Variants in DPYSL2 observed in about 807,000 individuals in gnomAD.
DPYSL2 encodes the protein dihydropyrimidinase like 2.
A neutral mutation model predicts 69.9 loss-of-function variants in DPYSL2; 13 were observed. The observed-to-expected ratio is 0.19, with a 90% CI of 0.12 to 0.30. The LOEUF is 0.30. Ranked by LOEUF, DPYSL2 falls within the 10% of genes least tolerant of loss-of-function variation. The pLI is 1.00. For synonymous variants in DPYSL2, 326 were observed against 359.1 expected, an observed-to-expected ratio of 0.91 and a Z score of 1.04; for missense variants, 587 against 918.9, an observed-to-expected ratio of 0.64 and a Z score of 4.67.
intron 8 of DPYSL2, among the ~76,000 whole-genome samples, chr8:26,638,909 A>T (rs532603184): frequency 6.6e-6 from 1 of 152,188 alleles, no homozygotes; most frequent in Non-Finnish European, 1.5e-5. Flanking sequence ...CATTTTGTCC[A>T]TGTGTGAAAT....
In DPYSL2 at chr8:26,655,664, G is replaced by A. The variant is rs1264150490; in HGVS notation, c.1992G>A (p.Val664=). The A allele has an allele frequency of 7.5e-6, 12 of 1,609,530 alleles. No homozygotes were observed. In the African/African-American group the frequency reaches 8.0e-5, roughly 11 times the overall value. ...NIPRRTTQRI[V]APPGGRANIT... is the part of the protein sequence containing the mutation. ...CCCGCCGCACCACCCAGCGTATCGT[G>A]GCGCCCCCCGGTGGCCGTGCCAACA... The change falls in exon 14 of 14, where the codon GTG becomes GTA. Residue 664 remains valine (V), a synonymous_variant. Coordinates refer to ENST00000521913, the MANE Select transcript of DPYSL2 (RefSeq NM_001197293.3).
At chr8:26,529,312 ATC>A in intron 1 of DPYSL2, among the ~76,000 whole-genome samples, 1 of 151,652 alleles carries the variant, frequency 6.6e-6, no homozygotes, top group African/African-American at 2.4e-5. Context: ...TCATCTATCT[ATC>A]TATCTATCAT....
In DPYSL2 at chr8:26,514,469, G is replaced by A. The variant is rs1808237562; in HGVS notation, c.144G>A (p.Lys48=). The A allele has an allele frequency of 2.0e-6, 3 of 1,529,064 alleles. No homozygotes were observed. The highest frequency in any genetic ancestry group is 2.6e-6 in the Non-Finnish European group (3 of 1,144,440). 94.7% of individuals were successfully genotyped at this position (1,529,064 alleles called of 1,614,324 possible). Residue 48 remains lysine (K), a synonymous_variant, in exon 1 of 14, where the codon AAG becomes AAA. Coordinates refer to ENST00000521913, the MANE Select transcript of DPYSL2 (RefSeq NM_001197293.3). This position sits in a 1 kb window ranked among gnomAD's most constrained non-coding sequence, Gnocchi z 8.4. ...FCPVEGSSEN[K]TIDFDSLSVG... is the part of the protein sequence containing the mutation. The stretch of plus-strand genomic sequence containing the variant: ...CGGTGGAAGGGTCCTCGGAGAACAA[G>A]ACCATCGACTTCGACTCGCTGTCGG...
chr8:26,634,769 C>T lies in DPYSL2; in HGVS notation c.1006-11C>T. Reference sequence around the variant, plus strand: ...TGAGCCACATTCTCATGCTCTGCTGCTGTTTTGCAGGTCGAGGCCGAAGCC... The same window carrying T: ...TGAGCCACATTCTCATGCTCTGCTGTTGTTTTGCAGGTCGAGGCCGAAGCC... On this transcript the variant is annotated splice_polypyrimidine_tract_variant and intron_variant, in intron 7 of 13. Transcript: ENST00000521913. 1 of 1,614,142 alleles carries T rather than the reference C, an allele frequency of 6.2e-7. No individual in the cohort carries two copies. Among genetic ancestry groups the T allele is most frequent in the Non-Finnish European group, 8.5e-7 (1 of 1,179,996 alleles).
chr8:26,655,540 G>A lies in DPYSL2; in HGVS notation c.1943-75G>A, dbSNP rs1197766946. On this transcript the variant is annotated intron_variant, in intron 13 of 13. Coordinates refer to ENST00000521913, the MANE Select transcript of DPYSL2 (RefSeq NM_001197293.3). ...TAGCACTTTTCCTCCTGAGCTGTGA[G>A]ATTTCACCTTCAAGCAGGATCTTGT... The A allele has an allele frequency of 1.5e-4, 196 of 1,321,646 alleles. 3 individuals carry two copies. The Admixed American group carries it at 4.1e-3, about 28-fold the overall frequency. 81.9% of individuals were successfully genotyped at this position (1,321,646 alleles called of 1,614,324 possible). A position where few individuals can be genotyped will look rare whatever the true frequency, so the allele number is the denominator to read the frequency against.
rs756432252 is a variant in DPYSL2, at chr8:26,577,993, T to TTCTC, written c.355-3954_355-3951dup. The TTCTC allele has an allele frequency of 4.5e-3, 5,372 of 1,203,752 alleles. 54 individuals are homozygous for TTCTC. The highest frequency in any genetic ancestry group is 0.045 in the African/African-American group (2,837 of 63,604). 74.6% of individuals were successfully genotyped at this position (1,203,752 alleles called of 1,614,324 possible). A position where few individuals can be genotyped will look rare whatever the true frequency, so the allele number is the denominator to read the frequency against. On this transcript the variant is annotated intron_variant, in intron 1 of 13. Coordinates refer to ENST00000521913, the MANE Select transcript of DPYSL2 (RefSeq NM_001197293.3). ...CCTTCCCTCCTGTTTCTCTCTCTCCTTCTCTCTCTCTCTCTCTCTCTCTCT... is the reference window on the plus strand; with the variant it reads ...CCTTCCCTCCTGTTTCTCTCTCTCCTTCTCTCTCTCTCTCTCTCTCTCTCTCTCT...
intron 3 of DPYSL2, among the ~76,000 whole-genome samples, chr8:26,600,416 G>A (rs1490322353): frequency 6.6e-6 from 1 of 152,162 alleles, no homozygotes; most frequent in African/African-American, 2.4e-5. Flanking sequence ...CCCACCAGCA[G>A]TGTGGGAGGG....
chr8:26,570,040 A>G (rs1028234525), intron 1 of DPYSL2, among the ~76,000 whole-genome samples: 5 of 152,180 alleles, frequency 3.3e-5, no homozygotes, highest in African/African-American at 1.2e-4. Flanking sequence ...TAAAAATAAA[A>G]GTAAAAAATT....
intron 7 of DPYSL2, among the ~76,000 whole-genome samples, chr8:26,631,295 A>T (rs1466743083): frequency 6.6e-6 from 1 of 152,186 alleles, no homozygotes; most frequent in Non-Finnish European, 1.5e-5. Flanking sequence ...GGAAACTTAT[A>T]ATCATGGTGG....
Position 26,647,718 on chromosome 8 carries a change from G to T in DPYSL2, c.1514G>T (p.Arg505Leu). 6.2e-7 allele frequency: 1 copy of T among 1,614,150 alleles called. No homozygotes were observed. The highest frequency in any genetic ancestry group is 8.5e-7 in the Non-Finnish European group (1 of 1,180,026). Residue 505 changes from arginine to leucine, a missense_variant, in exon 11 of 14, where the codon CGC becomes CTC. By Grantham distance (102) the Arg-to-Leu change is moderately radical. This residue lies in a region of DPYSL2 where 452 missense variants were observed against 754.3 expected (regional missense o/e 0.60). Transcript: ENST00000521913. This position sits in a 1 kb window ranked among gnomAD's most constrained non-coding sequence, Gnocchi z 5.1. The stretch of plus-strand genomic sequence containing the variant: ...TTCAACCTTTACCCCCGGAAAGGCC[G>T]CATTGCTGTGGGATCCGATGCCGAC... ...KVFNLYPRKGRIAVGSDADLV... is the reference protein window; with the variant it reads ...KVFNLYPRKGLIAVGSDADLV...
At chr8:26,525,381 T>G (rs971843187) in intron 1 of DPYSL2, among the ~76,000 whole-genome samples, 2 of 152,162 alleles carry the variant, frequency 1.3e-5, no homozygotes, top group African/African-American at 4.8e-5. Flanking sequence ...CCACCATGGC[T>G]GGCTAACTTT....
rs1302488006 is a variant in DPYSL2 at position 26,591,722 on chromosome 8, T to C, written c.628+7739T>C. Among the ~76,000 whole-genome samples, 2 of 152,226 alleles carry C rather than the reference T, an allele frequency of 1.3e-5. No individual in the cohort carries two copies. Among genetic ancestry groups the C allele is most frequent in the African/African-American group, 4.8e-5 (2 of 41,458 alleles). ...TTGGAATGGTGGGTGGCAGGTGGGC[T>C]GTGGGGGAGTCCAGATCCTCTCCGC... On this transcript the variant is annotated intron_variant, in intron 3 of 13. Transcript: ENST00000521913. This position sits in a 1 kb window ranked among gnomAD's most constrained non-coding sequence, Gnocchi z 5.8.
At chr8:26,645,694 C>T (rs772523259) in intron 10 of DPYSL2, among the ~76,000 whole-genome samples, 27 of 151,152 alleles carry the variant, frequency 1.8e-4, no homozygotes, top group Non-Finnish European at 3.1e-4. Flanking sequence ...AGATTACAGG[C>T]GTGTGCCACC....
chr8:26,568,705 ATGAAAAC>A (rs60837016), intron 1 of DPYSL2, among the ~76,000 whole-genome samples: 33,308 of 151,526 alleles, frequency 0.22, 4,536 homozygotes, highest in African/African-American at 0.38. Context: ...CTTTTAAGAG[ATGAAAAC>A]TCCTGAAATG....
Position 26,565,257 on chromosome 8 carries a change from T to TTGC in DPYSL2, c.355-16712_355-16711insTGC, listed in dbSNP as rs397938485. On this transcript the variant is annotated intron_variant, in intron 1 of 13. Coordinates refer to ENST00000521913, the MANE Select transcript of DPYSL2 (RefSeq NM_001197293.3). The surrounding 1 kb of genome is among the most constrained non-coding windows in gnomAD (Gnocchi z 4.1). The stretch of plus-strand genomic sequence containing the variant: ...TGCAATAAACATAGGAGTGCAGGTG[T>TTGC]CTTTTTGATATCATGACTTCTTTTT... Among the ~76,000 whole-genome samples, 3 of 151,946 alleles carry TTGC rather than the reference T, an allele frequency of 2.0e-5. No homozygotes were observed. The highest frequency in any genetic ancestry group is 6.6e-5 in the Admixed American group (1 of 15,248).
intron 1 of DPYSL2, 152 bp from the exon 2 acceptor site, chr8:26,581,817 A>T: frequency 1.6e-6 from 1 of 626,540 alleles, no homozygotes. Flanking sequence ...GTTGCCACAT[A>T]CAGGCTTACC....
At chr8:26,590,835 C>T (rs902876620) in intron 3 of DPYSL2, among the ~76,000 whole-genome samples, 4 of 152,264 alleles carry the variant, frequency 2.6e-5, no homozygotes, top group Non-Finnish European at 5.9e-5. Context: ...CCCAAAGGTC[C>T]AGCACGCACA....
intron 1 of DPYSL2, among the ~76,000 whole-genome samples, chr8:26,551,663 T>G (rs1337344641): frequency 8.5e-5 from 13 of 152,126 alleles, no homozygotes; most frequent in Non-Finnish European, 1.5e-4. Flanking sequence ...ACATGGAACA[T>G]TCACCATTCC....
intron 3 of DPYSL2, among the ~76,000 whole-genome samples, chr8:26,604,554 T>G (rs933147317): frequency 1.3e-5 from 2 of 152,154 alleles, no homozygotes; most frequent in Non-Finnish European, 2.9e-5. Flanking sequence ...AGGTAGCCAC[T>G]GGTCTCCATG....
Sources: gnomAD v4.1 joint callset for allele counts (sites outside exome capture counted in the v4.1 genomes callset) on GRCh38, gnomAD v4.1.1 for gene constraint, gnomAD v4.1.1 regional missense constraint, Gnocchi (gnomAD v3.1) non-coding constraint, MANE v1.5 for transcripts, NCBI Gene and HGNC (gene_info 2026-07-23, HGNC 2026-07-21) for gene names.